The following NRG3 variants were observed in gnomAD, a reference collection of about 807,000 sequenced individuals.
NRG3 encodes neuregulin 3.
A neutral mutation model predicts 66.9 loss-of-function variants in NRG3; 31 were observed. The ratio of observed to expected loss-of-function variants is 0.46; its 90% CI spans 0.35 to 0.63. The LOEUF is 0.63. NRG3 is among the 20% of genes least tolerant of loss of function. The pLI, the probability that NRG3 is intolerant of heterozygous loss-of-function variation, is 0.00. For synonymous variants in NRG3, 393 were observed against 359.4 expected (o/e 1.09, Z -1.06); for missense variants, 910 against 878.9 (o/e 1.04, Z -0.45).
At chr10:82,834,933 A>G (rs776148515) in intron 3 of NRG3, among the ~76,000 whole-genome samples, 8 of 152,176 alleles carry the variant, frequency 5.3e-5, no homozygotes, top group Non-Finnish European at 1.2e-4. Flanking sequence ...TCCATTTTCA[A>G]TCTGGTCCTC....
At chr10:82,720,147 C>T (rs186788652) in intron 2 of NRG3, among the ~76,000 whole-genome samples, 1,540 of 152,188 alleles carry the variant, frequency 0.01, 23 homozygotes, top group African/African-American at 0.035. Context: ...CCTAGCACTT[C>T]GGGAGGCCGA....
intron 2 of NRG3, among the ~76,000 whole-genome samples, chr10:82,416,016 A>G (rs912361909): frequency 3.3e-5 from 5 of 152,198 alleles, no homozygotes; most frequent in Non-Finnish European, 7.4e-5. Flanking sequence ...AGTTCTTGTT[A>G]TAGATAATTT....
At chr10:82,627,379 GGT>G (rs1446761910) in intron 2 of NRG3, among the ~76,000 whole-genome samples, 1 of 152,030 alleles carries the variant, frequency 6.6e-6, no homozygotes, top group African/African-American at 2.4e-5. Context: ...ATTTAAATTA[GGT>G]GGTTTTAATT....
intron 3 of NRG3, among the ~76,000 whole-genome samples, chr10:82,831,908 C>G (rs342376): frequency 0.38 from 58,381 of 152,010 alleles, 11,440 homozygotes; most frequent in African/African-American, 0.47. Flanking sequence ...ACCCACCCCC[C>G]CAACTACCTA....
chr10:82,956,530 G>C (rs1184242570), intron 5 of NRG3, among the ~76,000 whole-genome samples: 1 of 151,862 alleles, frequency 6.6e-6, no homozygotes, highest in Non-Finnish European at 1.5e-5. Flanking sequence ...AAGACTAAAG[G>C]TAAGCAAATT....
rs544831391 is a variant in NRG3 at position 82,887,010 on chromosome 10, C to T, written c.1054+21573C>T. 2.0e-5 allele frequency among the ~76,000 whole-genome samples: 3 copies of T among 152,312 alleles called. No individual in the cohort carries two copies. The East Asian group carries it at 5.8e-4, about 29-fold the overall frequency. On this transcript the variant is annotated intron_variant, in intron 4 of 8. Coordinates refer to ENST00000372141, the MANE Select transcript of NRG3 (RefSeq NM_001010848.4). ...AAGATGCATTATCACAGAAGCAGTT[C>T]TTACCCTTCGGAAATGTCTCGGGAA... is the stretch of plus-strand genomic sequence containing the variant.
intron 1 of NRG3, among the ~76,000 whole-genome samples, chr10:81,930,279 G>A (rs17725640): frequency 0.044 from 6,630 of 152,168 alleles, 145 homozygotes; most frequent in African/African-American, 0.045. Context: ...GATGGTCCTC[G>A]CTTCATACTC....
At chr10:82,240,478 T>C (rs1302617498) in intron 1 of NRG3, among the ~76,000 whole-genome samples, 1 of 152,162 alleles carries the variant, frequency 6.6e-6, no homozygotes, top group African/African-American at 2.4e-5. Flanking sequence ...ATTTTTGAAG[T>C]ATGAGCTAGA....
intron 1 of NRG3, among the ~76,000 whole-genome samples, chr10:81,884,761 C>G (rs549608881): frequency 7.2e-4 from 110 of 152,160 alleles, no homozygotes; most frequent in African/African-American, 2.3e-3. Context: ...ACTATTCCCC[C>G]CTGGAATACC....
At chr10:82,784,899 T>C (rs2060279986) in intron 3 of NRG3, among the ~76,000 whole-genome samples, 1 of 152,166 alleles carries the variant, frequency 6.6e-6, no homozygotes, top group Non-Finnish European at 1.5e-5. Flanking sequence ...TAAAGACACA[T>C]GCACACGTAT....
intron 2 of NRG3, among the ~76,000 whole-genome samples, chr10:82,403,094 C>G (rs886287878): frequency 6.6e-6 from 1 of 152,148 alleles, no homozygotes; most frequent in East Asian, 1.9e-4. Context: ...GACATGCCTT[C>G]TTGTCTGAAA....
At chr10:82,898,850 T>A (rs1251865694) in intron 4 of NRG3, among the ~76,000 whole-genome samples, 2 of 151,146 alleles carry the variant, frequency 1.3e-5, no homozygotes, top group African/African-American at 4.9e-5. Flanking sequence ...GCCTCCCTAG[T>A]AGTTGGGACT....
intron 1 of NRG3, among the ~76,000 whole-genome samples, chr10:82,090,398 T>G (rs1475223600): frequency 6.6e-6 from 1 of 152,238 alleles, no homozygotes. Context: ...GTGCTACACT[T>G]TATTTAATTG....
chr10:82,842,350 C>A (rs930883599), intron 3 of NRG3, among the ~76,000 whole-genome samples: 2 of 152,178 alleles, frequency 1.3e-5, no homozygotes, highest in African/African-American at 4.8e-5. Flanking sequence ...ACCGAATGAT[C>A]AATACACATT....
chr10:82,918,014 A>G (rs528913850), intron 4 of NRG3, among the ~76,000 whole-genome samples: 1 of 145,054 alleles, frequency 6.9e-6, no homozygotes. Flanking sequence ...ATCTCTCTCT[A>G]TATATATACA....
intron 1 of NRG3, among the ~76,000 whole-genome samples, chr10:82,123,953 C>G (rs1029293984): frequency 9.9e-5 from 15 of 151,832 alleles, no homozygotes; most frequent in African/African-American, 3.6e-4. Context: ...TCAGGACTGC[C>G]CCGCTATTCT....
chr10:82,882,816 A>C (rs1842417438), intron 4 of NRG3, among the ~76,000 whole-genome samples: 1 of 152,156 alleles, frequency 6.6e-6, no homozygotes, highest in African/African-American at 2.4e-5. Context: ...TTATCTTCTC[A>C]ATACTGCCTG....
intron 1 of NRG3, among the ~76,000 whole-genome samples, chr10:82,060,408 C>A (rs192209521): frequency 3.4e-4 from 52 of 152,266 alleles, no homozygotes; most frequent in Admixed American, 5.2e-4. Context: ...CTGTCTTCTA[C>A]CATGAATCCT....
intron 1 of NRG3, among the ~76,000 whole-genome samples, chr10:81,954,939 T>C (rs1430710509): frequency 6.6e-6 from 1 of 151,994 alleles, no homozygotes; most frequent in African/African-American, 2.4e-5. Flanking sequence ...TCACATGTTA[T>C]TTATGTCAGG....
Sources: gnomAD v4.1 joint callset for allele counts (sites outside exome capture counted in the v4.1 genomes callset) on GRCh38, gnomAD v4.1.1 for gene constraint, MANE v1.5 for transcripts, NCBI Gene and HGNC (gene_info 2026-07-23, HGNC 2026-07-21) for gene names.